ANO7: variants seen among roughly 807,000 people sequenced by gnomAD.
ANO7 encodes the protein anoctamin-7.
ANO7 carries 114 observed loss-of-function variants against 115.8 expected under a neutral mutation model. The observed-to-expected ratio is 0.98, with a 90% CI of 0.85 to 1.15. The LOEUF is 1.15. ANO7 is among the 50% of genes most tolerant of loss of function. The probability of loss-of-function intolerance (pLI) is 0.00; values close to 1 mark genes in which losing one functional copy is unlikely to be tolerated. For synonymous variants in ANO7, 550 were observed against 498.2 expected, an observed-to-expected ratio of 1.10 and a Z score of -1.38; for missense variants, 1,302 against 1,201.2, an observed-to-expected ratio of 1.08 and a Z score of -1.24.
rs1182908102 is a variant in ANO7, at chr2:241,204,809, C to T, written c.890-56C>T. ...ACAAGCATGGCTGTGCAGACCCCTA[C>T]CTGGGGCCCCCAAGCCTGGGTTCCT... On this transcript the variant is annotated intron_variant, in intron 9 of 24. Coordinates refer to ENST00000674324, the MANE Select transcript of ANO7 (RefSeq NM_001370694.2). 1.1e-5 allele frequency: 16 copies of T among 1,466,528 alleles called. No individual in the cohort carries two copies. In the East Asian group the frequency reaches 3.2e-4, roughly 29 times the overall value. 90.8% of individuals were successfully genotyped at this position (1,466,528 alleles called of 1,614,324 possible).
chr2:241,230,646 G>C, downstream of ANO7: 1 of 897,700 alleles, frequency 1.1e-6, no homozygotes, highest in Non-Finnish European at 1.7e-6. This position sits in a 1 kb window ranked among gnomAD's most constrained non-coding sequence, Gnocchi z 5.0. Context: ...GCCAGCCCTG[G>C]GGTTGTGGCC....
chr2:241,224,262 C>G lies in ANO7; in HGVS notation c.*109C>G. ...CAGCGGCTGTGTGAACCGCTGGCTG[C>G]TGTTGTGCCTCATCTCTGGGCACAT... On this transcript the variant is annotated 3_prime_UTR_variant, in exon 25 of 25. Coordinates refer to ENST00000674324, the MANE Select transcript of ANO7 (RefSeq NM_001370694.2). The G allele has an allele frequency of 8.0e-7, 1 of 1,249,614 alleles. No homozygotes were observed. Among genetic ancestry groups the G allele is most frequent in the Non-Finnish European group, 1.1e-6 (1 of 884,762 alleles). 77.4% of individuals were successfully genotyped at this position (1,249,614 alleles called of 1,614,324 possible). A position where few individuals can be genotyped will look rare whatever the true frequency, so the allele number is the denominator to read the frequency against.
chr2:241,237,197 AG>A, the ANO7 span, among the ~76,000 whole-genome samples: 1 of 152,172 alleles, frequency 6.6e-6, no homozygotes, highest in Non-Finnish European at 1.5e-5. Context: ...GCCAGCACGC[AG>A]CCCCACCCAG....
intron 9 of ANO7, 21 bp from the exon 10 acceptor site, chr2:241,204,844 C>A (rs1017275893): frequency 4.4e-6 from 7 of 1,602,764 alleles, no homozygotes; most frequent in African/African-American, 1.3e-5. Context: ...TGATGGTGGA[C>A]CCCTGCCATC....
intron 15 of ANO7, among the ~76,000 whole-genome samples, 172 bp from the exon 16 acceptor site, chr2:241,211,922 A>G (rs1030709688): frequency 6.6e-6 from 1 of 152,166 alleles, no homozygotes; most frequent in African/African-American, 2.4e-5. Flanking sequence ...CTGTTAATCA[A>G]CATGTTTTTG....
At position 241,203,288 on chromosome 2, in the gene ANO7, G is replaced by C. The variant is rs758399476; in HGVS notation, c.724-45G>C. 1.4e-6 allele frequency: 2 copies of C among 1,447,876 alleles called. No individual in the cohort carries two copies. Among genetic ancestry groups the C allele is most frequent in the Non-Finnish European group, 1.8e-6 (2 of 1,094,048 alleles). The allele number at this position is 1,447,876 out of a possible 1,614,324, so 89.7% of individuals were successfully genotyped here. On this transcript the variant is annotated intron_variant, in intron 8 of 24. Transcript: ENST00000674324. The surrounding 1 kb of genome is among the most constrained non-coding windows in gnomAD (Gnocchi z 4.8). ...CCTGCACCTACAACAGTGCCCAGTGGGGTCAGCTGGGGGAGCCTCCCACCC... is the reference window on the plus strand; with the variant it reads ...CCTGCACCTACAACAGTGCCCAGTGCGGTCAGCTGGGGGAGCCTCCCACCC...
At position 241,188,802 on chromosome 2, in the gene ANO7, G is replaced by T. The variant is rs892659825; in HGVS notation, c.-8+36G>T. Reference sequence around the variant, plus strand: ...AGCCTAGACGTGTGGGCCACAGGGAGAAGGTGGAGCGTTGGACTCTAGGGA... The same window carrying T: ...AGCCTAGACGTGTGGGCCACAGGGATAAGGTGGAGCGTTGGACTCTAGGGA... On this transcript the variant is annotated intron_variant, in intron 1 of 24. Transcript: ENST00000674324. The surrounding 1 kb of genome is among the most constrained non-coding windows in gnomAD (Gnocchi z 4.3). 6.2e-7 allele frequency: 1 copy of T among 1,601,360 alleles called. No homozygotes were observed. Among genetic ancestry groups the T allele is most frequent in the Non-Finnish European group, 8.5e-7 (1 of 1,172,424 alleles).
At chr2:241,197,420 C>T (rs2068369357) in intron 4 of ANO7, among the ~76,000 whole-genome samples, 1 of 152,156 alleles carries the variant, frequency 6.6e-6, no homozygotes, top group African/African-American at 2.4e-5. Context: ...GGGTCTTGTT[C>T]TGTTGCCCTG....
At chr2:241,208,637 A>T (rs1471276741) in intron 11 of ANO7, among the ~76,000 whole-genome samples, 1 of 152,250 alleles carries the variant, frequency 6.6e-6, no homozygotes, top group East Asian at 1.9e-4. Flanking sequence ...CTCTGGTTCC[A>T]AAACTTCATG....
the ANO7 span, chr2:241,239,536 C>CA: frequency 2.2e-6 from 3 of 1,336,488 alleles, no homozygotes; most frequent in Non-Finnish European, 3.2e-6. The surrounding 1 kb of genome is among the most constrained non-coding windows in gnomAD (Gnocchi z 4.6). Flanking sequence ...AGCGAACACT[C>CA]ATACACGGCT....
At position 241,223,165 on chromosome 2, in the gene ANO7, T is replaced by C. The variant is rs768769834; in HGVS notation, c.2322-21T>C. On this transcript the variant is annotated intron_variant, in intron 21 of 24. Transcript: ENST00000674324. ...AACACTCAGCCCTGGCTGCGCGCAC[T>C]GAGTCCTGTGTCTGCTGCAGGTATC... 3.1e-6 allele frequency: 5 copies of C among 1,610,592 alleles called. No homozygotes were observed. In the African/African-American group the frequency reaches 4.0e-5, roughly 13 times the overall value.
chr2:241,202,315 G>A lies in ANO7; in HGVS notation c.723+11G>A, dbSNP rs1459720426. 1.2e-6 allele frequency: 2 copies of A among 1,609,910 alleles called. No homozygotes were observed. The highest frequency in any genetic ancestry group is 1.7e-6 in the Non-Finnish European group (2 of 1,178,912). ...TTCCCCCTGCATGACGTGAGCTCGGGGGCTGGGGGCTCCAGCCTGGGTATG... is the reference window on the plus strand; with the variant it reads ...TTCCCCCTGCATGACGTGAGCTCGGAGGCTGGGGGCTCCAGCCTGGGTATG... On this transcript the variant is annotated intron_variant, in intron 8 of 24. Coordinates refer to ENST00000674324, the MANE Select transcript of ANO7 (RefSeq NM_001370694.2).
chr2:241,240,226 T>C, the ANO7 span: 105 of 1,080,732 alleles, frequency 9.7e-5, no homozygotes, highest in African/African-American at 1.4e-3. This position sits in a 1 kb window ranked among gnomAD's most constrained non-coding sequence, Gnocchi z 5.5. Flanking sequence ...TCCCCTTACA[T>C]TGTCACCAGT....
At chr2:241,226,058 C>T (rs1276152665), downstream of ANO7, among the ~76,000 whole-genome samples, 1 of 152,108 alleles carries the variant, frequency 6.6e-6, no homozygotes, top group African/African-American at 2.4e-5. Flanking sequence ...GTAACCAGCA[C>T]GTGGGTAAAA....
At chr2:241,193,038 A>G (rs1225315384) in intron 3 of ANO7, among the ~76,000 whole-genome samples, 3 of 151,730 alleles carry the variant, frequency 2.0e-5, no homozygotes, top group Non-Finnish European at 2.9e-5. Context: ...TGTGGTTAAG[A>G]TGGTTTTTTG....
At chr2:241,235,636 G>T in the ANO7 span, 1 of 1,402,406 alleles carries the variant, frequency 7.1e-7, no homozygotes, top group Non-Finnish European at 1.0e-6. Flanking sequence ...GGAGCTGAGA[G>T]CAGAGTGACG....
rs562168659 is a variant in ANO7 at position 241,217,795 on chromosome 2, C to T, written c.2082C>T (p.Val694=). The change falls in exon 20 of 25, where the codon GTC becomes GTT. Residue 694 remains valine, a synonymous_variant. Coordinates refer to ENST00000674324, the MANE Select transcript of ANO7 (RefSeq NM_001370694.2). ...VEIRLDARKF[V]CEYRRPVAER... ...TCCGCTTGGACGCGCGCAAGTTCGT[C>T]TGCGAGTACCGGCGCCCGGTGGCCG... 3.1e-6 allele frequency: 5 copies of T among 1,610,538 alleles called. No homozygotes were observed. The highest frequency in any genetic ancestry group is 4.5e-5 in the East Asian group (2 of 44,808).
In ANO7 at chr2:241,224,163, G is replaced by T; in HGVS notation, c.*10G>T. 1 of 1,614,072 alleles carries T rather than the reference G, an allele frequency of 6.2e-7. No individual in the cohort carries two copies. The highest frequency in any genetic ancestry group is 1.1e-5 in the South Asian group (1 of 91,084). On this transcript the variant is annotated 3_prime_UTR_variant, in exon 25 of 25. Transcript: ENST00000674324. ...CCAGCTGCAGCAGTGACGCCTGGAA[G>T]GACATCTGGTGGTCCTTAGGGGAGT...
Position 241,190,088 on chromosome 2 carries a change from G to A in ANO7, c.25G>A (p.Glu9Lys). MLRRRAQE[E>K]DSTVLIDVSP... ...GATGCTGCGGCGACGGGCCCAGGAA[G>A]AGGACAGCACCGTCCTGATCGATGT... Residue 9 changes from glutamate (E) to lysine (K), a missense_variant, in exon 2 of 25, where the codon GAG becomes AAG. By Grantham distance (56) the Glu-to-Lys change is moderately conservative. Transcript: ENST00000674324. The A allele has an allele frequency of 1.9e-6, 3 of 1,582,570 alleles. 1 individual carries two copies. Among genetic ancestry groups the A allele is most frequent in the Non-Finnish European group, 2.6e-6 (3 of 1,164,756 alleles).
Sources: allele counts gnomAD v4.1 joint callset (sites outside exome capture counted in the v4.1 genomes callset), GRCh38; gene constraint gnomAD v4.1.1; non-coding constraint Gnocchi (gnomAD v3.1); transcripts MANE v1.5; gene names NCBI Gene and HGNC (gene_info 2026-07-23, HGNC 2026-07-21).